SCUBE1: variants seen among roughly 807,000 people sequenced by gnomAD.
SCUBE1 encodes signal peptide, CUB and EGF-like domain-containing protein 1.
Under a neutral mutation model 124.4 loss-of-function variants are expected in SCUBE1, and 59 were observed. The observed-to-expected ratio is 0.47, with a 90% CI of 0.38 to 0.59. The LOEUF is 0.59. SCUBE1 is among the 20% of genes least tolerant of loss of function. SCUBE1 has a pLI of 0.00. For missense variants in SCUBE1, 1,150 were observed against 1,371.2 expected, an observed-to-expected ratio of 0.84 and a Z score of 2.55; for synonymous variants, 545 against 550.9, an observed-to-expected ratio of 0.99 and a Z score of 0.15.
At chr22:43,212,879 T>C (rs1921630988) in intron 16 of SCUBE1, among the ~76,000 whole-genome samples, 1 of 152,150 alleles carries the variant, frequency 6.6e-6, no homozygotes, top group Non-Finnish European at 1.5e-5. Context: ...GCCTTGCTGC[T>C]GAGCTGGGAA....
In SCUBE1 at chr22:43,308,221, C is replaced by T. The variant is rs573164124; in HGVS notation, c.349+11716G>A. On this transcript the variant is annotated intron_variant, in intron 3 of 21. Coordinates refer to ENST00000360835, the MANE Select transcript of SCUBE1 (RefSeq NM_173050.5). The stretch of plus-strand genomic sequence containing the variant: ...CAAATAATTTCTTTCAGATTAACAG[C>T]TGTAGAAGGCGGAGAGGAGAGGCGG... 7.8e-4 allele frequency among the ~76,000 whole-genome samples: 119 copies of T among 152,312 alleles called. 2 individuals are homozygous for T. The South Asian group carries it at 0.024, about 31-fold the overall frequency.
intron 2 of SCUBE1, among the ~76,000 whole-genome samples, chr22:43,320,582 G>C (rs374013594): frequency 6.6e-6 from 1 of 152,162 alleles, no homozygotes; most frequent in East Asian, 1.9e-4. Flanking sequence ...GGGGTCAAAG[G>C]GCTATCAATT....
intron 4 of SCUBE1, among the ~76,000 whole-genome samples, chr22:43,284,982 G>A (rs952931319): frequency 9.9e-5 from 15 of 152,158 alleles, no homozygotes; most frequent in Non-Finnish European, 1.5e-4. Flanking sequence ...ATTTATGCAC[G>A]TGTTTAAACA....
chr22:43,314,981 G>T lies in SCUBE1; in HGVS notation c.349+4956C>A, dbSNP rs1926294748. ...AAGTCCCGCAAACGTCAGGGGCTGG[G>T]TAACTGTGGCTGAGATGGAATGATG... is the stretch of plus-strand genomic sequence containing the variant. On this transcript the variant is annotated intron_variant, in intron 3 of 21. Coordinates refer to ENST00000360835, the MANE Select transcript of SCUBE1 (RefSeq NM_173050.5). Among the ~76,000 whole-genome samples the T allele has an allele frequency of 2.0e-5, 3 of 152,238 alleles. No individual in the cohort carries two copies. In the South Asian group the frequency reaches 6.2e-4, roughly 32 times the overall value.
Position 43,210,356 on chromosome 22 carries a change from C to A in SCUBE1, c.2384-116G>T. 1 of 854,270 alleles carries A rather than the reference C, an allele frequency of 1.2e-6. No individual in the cohort carries two copies. Among genetic ancestry groups the A allele is most frequent in the South Asian group, 2.1e-5 (1 of 47,458 alleles). 52.9% of individuals were successfully genotyped at this position (854,270 alleles called of 1,614,324 possible). On this transcript the variant is annotated intron_variant, in intron 18 of 21. Coordinates refer to ENST00000360835, the MANE Select transcript of SCUBE1 (RefSeq NM_173050.5). The surrounding 1 kb of genome is among the most constrained non-coding windows in gnomAD (Gnocchi z 4.5). The stretch of plus-strand genomic sequence containing the variant: ...CAGGGCTGGAAGGTGCTCTTGTCCC[C>A]CCCCACACTAGCCCTCGGACCCTGA...
At chr22:43,323,588 A>ACATACATC (rs1926628423) in intron 2 of SCUBE1, among the ~76,000 whole-genome samples, 1 of 148,604 alleles carries the variant, frequency 6.7e-6, no homozygotes, top group South Asian at 2.2e-4. Flanking sequence ...ACCCATCCAA[A>ACATACATC]CATCCATCCA....
At chr22:43,251,707 C>T (rs528119666) in intron 6 of SCUBE1, among the ~76,000 whole-genome samples, 5 of 152,264 alleles carry the variant, frequency 3.3e-5, no homozygotes, top group East Asian at 1.9e-4. Flanking sequence ...ACAGCCCTGC[C>T]GACATCTTCA....
chr22:43,334,840 G>A (rs533689665), intron 2 of SCUBE1, among the ~76,000 whole-genome samples: 1 of 152,222 alleles, frequency 6.6e-6, no homozygotes, highest in African/African-American at 2.4e-5. Context: ...CACACTATCT[G>A]TATGAAATAA....
At chr22:43,312,476 G>A (rs1926204012) in intron 3 of SCUBE1, among the ~76,000 whole-genome samples, 1 of 152,202 alleles carries the variant, frequency 6.6e-6, no homozygotes, top group African/African-American at 2.4e-5. Flanking sequence ...AAGCAAGGGT[G>A]AGAAATGGGG....
chr22:43,257,419 GTGC>G (rs1249648254), intron 6 of SCUBE1, among the ~76,000 whole-genome samples: 1 of 152,208 alleles, frequency 6.6e-6, no homozygotes, highest in East Asian at 1.9e-4. Context: ...GTTAAAAAAT[GTGC>G]TGCTATTTTT....
At chr22:43,302,127 G>A (rs5759270) in intron 3 of SCUBE1, among the ~76,000 whole-genome samples, 4,997 of 152,322 alleles carry the variant, frequency 0.033, 302 homozygotes, top group East Asian at 0.29. Context: ...CTCATCTGCC[G>A]CCTTAGCCTT....
chr22:43,340,074 G>A (rs545861097), intron 1 of SCUBE1, among the ~76,000 whole-genome samples: 2 of 150,982 alleles, frequency 1.3e-5, no homozygotes, highest in South Asian at 4.2e-4. Context: ...TTCCAGATGG[G>A]GACACCAAGG....
At chr22:43,325,566 G>A (rs1032350620) in intron 2 of SCUBE1, among the ~76,000 whole-genome samples, 4 of 152,118 alleles carry the variant, frequency 2.6e-5, no homozygotes, top group African/African-American at 9.7e-5. Context: ...TACCCTTGAG[G>A]TTGAGGAGGG....
intron 5 of SCUBE1, among the ~76,000 whole-genome samples, chr22:43,259,507 T>C (rs9623793): frequency 1.0e-3 from 158 of 152,308 alleles, no homozygotes; most frequent in African/African-American, 3.7e-3. Context: ...CAGAGGGAAG[T>C]CAACTGGTGG....
At chr22:43,307,731 A>G (rs964306010) in intron 3 of SCUBE1, among the ~76,000 whole-genome samples, 3 of 152,220 alleles carry the variant, frequency 2.0e-5, no homozygotes, top group Admixed American at 2.0e-4. Flanking sequence ...AGGCCCCTGC[A>G]TGATTCCGCT....
chr22:43,254,228 T>A (rs2146702293), intron 6 of SCUBE1, among the ~76,000 whole-genome samples: 1 of 152,284 alleles, frequency 6.6e-6, no homozygotes, highest in Non-Finnish European at 1.5e-5. Flanking sequence ...CCCTTACTCT[T>A]CTCATCCGAG....
Position 43,218,332 on chromosome 22 carries a change from A to G in SCUBE1, c.1814T>C (p.Val605Ala). ...CAGCGCCTTGGCTGGCCTCTGGGCT[A>G]CCTCGTACTCAGTGCCTGAGACCTG... ...YVQVSGTEYEVAQRPAKALEG... is the reference protein window; with the variant it reads ...YVQVSGTEYEAAQRPAKALEG... The change falls in exon 15 of 22, where the codon GTA becomes GCA. Residue 605 changes from valine (V) to alanine (A), a missense_variant. This residue lies in a region of SCUBE1 where 757 missense variants were observed against 840.9 expected (regional missense o/e 0.90). Coordinates refer to ENST00000360835, the MANE Select transcript of SCUBE1 (RefSeq NM_173050.5). 5 of 1,613,364 alleles carry G rather than the reference A, an allele frequency of 3.1e-6. No individual in the cohort carries two copies. Among genetic ancestry groups the G allele is most frequent in the Non-Finnish European group, 4.2e-6 (5 of 1,180,026 alleles).
intron 3 of SCUBE1, among the ~76,000 whole-genome samples, chr22:43,306,983 G>A (rs901316469): frequency 7.2e-5 from 11 of 152,180 alleles, no homozygotes; most frequent in African/African-American, 2.4e-4. Context: ...ACCTGCCACC[G>A]TCAAGTCGTT....
chr22:43,212,345 G>C (rs1289428568), intron 17 of SCUBE1, 80 bp downstream of exon 17: 2 of 1,443,542 alleles, frequency 1.4e-6, no homozygotes, highest in Admixed American at 2.1e-5. Context: ...GAGGAGATGA[G>C]AGGGGTTCGG....
Sources: allele counts gnomAD v4.1 joint callset (sites outside exome capture counted in the v4.1 genomes callset), GRCh38; gene constraint gnomAD v4.1.1; regional missense constraint gnomAD v4.1.1; non-coding constraint Gnocchi (gnomAD v3.1); transcripts MANE v1.5; gene names NCBI Gene and HGNC (gene_info 2026-07-23, HGNC 2026-07-21).